Variants in KDM4C observed in about 807,000 individuals in gnomAD.
The protein encoded by KDM4C is lysine demethylase 4C, also known as lysine-specific demethylase 4C.
KDM4C carries 81 observed loss-of-function variants against 129.3 expected under a neutral mutation model. The ratio of observed to expected loss-of-function variants is 0.63; its 90% CI spans 0.52 to 0.75. The LOEUF (loss-of-function observed/expected upper bound fraction) is 0.75, where lower values mean the gene tolerates loss of function less well. Among genes scored for constraint, KDM4C ranks in the 30% least tolerant of loss-of-function variants. KDM4C has a pLI of 0.00. For synonymous variants in KDM4C, 573 were observed against 456.1 expected (o/e 1.26, Z -3.26); for missense variants, 1,457 against 1,304.0 (o/e 1.12, Z -1.81).
intron 8 of KDM4C, among the ~76,000 whole-genome samples, chr9:6,970,365 T>G (rs1188233731): frequency 6.6e-6 from 1 of 152,244 alleles, no homozygotes; most frequent in African/African-American, 2.4e-5. Flanking sequence ...GTCACTGTAA[T>G]TGTACCTGTT....
chr9:7,032,078 C>T (rs759086543), intron 15 of KDM4C, among the ~76,000 whole-genome samples: 3 of 152,190 alleles, frequency 2.0e-5, no homozygotes, highest in Non-Finnish European at 4.4e-5. Flanking sequence ...CCACGAAGCT[C>T]CAACCCCTGT....
chr9:7,035,016 G>A (rs1007005403), intron 15 of KDM4C, among the ~76,000 whole-genome samples: 1 of 151,394 alleles, frequency 6.6e-6, no homozygotes, highest in Non-Finnish European at 1.5e-5. Flanking sequence ...GTTTCTTTTT[G>A]TTTGTTTGTT....
chr9:6,940,946 T>G (rs1054443320), intron 8 of KDM4C, among the ~76,000 whole-genome samples: 7 of 152,170 alleles, frequency 4.6e-5, no homozygotes, highest in Non-Finnish European at 1.0e-4. Flanking sequence ...CTTTGTGTAA[T>G]ATTTGTTCTT....
chr9:7,165,299 C>T lies in KDM4C; in HGVS notation c.2843C>T (p.Pro948Leu). The change falls in exon 20 of 22, where the codon CCC (proline) becomes CTC (leucine). Residue 948 changes from proline (P) to leucine (L), a missense_variant. Coordinates refer to ENST00000381309, the MANE Select transcript of KDM4C (RefSeq NM_015061.6). ...GGAGAAGTCGTCCAAGTCAAGTGGC[C>T]CGATGGCAAACTCTATGGAGCAAAA... ...AEGEVVQVKWPDGKLYGAKYF... is the reference protein window; with the variant it reads ...AEGEVVQVKWLDGKLYGAKYF... 3 of 1,614,094 alleles carry T rather than the reference C, an allele frequency of 1.9e-6. No individual in the cohort carries two copies. The highest frequency in any genetic ancestry group is 2.5e-6 in the Non-Finnish European group (3 of 1,179,996).
At chr9:6,939,170 C>T (rs774351996) in intron 8 of KDM4C, among the ~76,000 whole-genome samples, 22 of 151,864 alleles carry the variant, frequency 1.4e-4, no homozygotes, top group Non-Finnish European at 2.4e-4. Flanking sequence ...GCAGCAGGTA[C>T]AGCTGCTCCC....
At chr9:6,741,530 T>C (rs1322243391) in intron 1 of KDM4C, among the ~76,000 whole-genome samples, 1 of 152,234 alleles carries the variant, frequency 6.6e-6, no homozygotes, top group African/African-American at 2.4e-5. Context: ...CCTTCTGATG[T>C]AATTTCTCTT....
intron 2 of KDM4C, among the ~76,000 whole-genome samples, chr9:6,805,274 C>T (rs1488300003): frequency 6.6e-6 from 1 of 151,824 alleles, no homozygotes; most frequent in Non-Finnish European, 1.5e-5. Context: ...AATTTCAGCT[C>T]AAGTAGTCTT....
At chr9:7,038,787 A>G (rs993504936) in intron 15 of KDM4C, among the ~76,000 whole-genome samples, 1 of 151,864 alleles carries the variant, frequency 6.6e-6, no homozygotes, top group Non-Finnish European at 1.5e-5. Context: ...TGACCCCCAA[A>G]CTAGATATAT....
intron 2 of KDM4C, among the ~76,000 whole-genome samples, chr9:6,796,491 A>C (rs1827785412): frequency 6.6e-6 from 1 of 152,138 alleles, no homozygotes; most frequent in African/African-American, 2.4e-5. Context: ...GTTCCACTGA[A>C]ATTAGTGGAG....
chr9:6,803,352 C>G (rs187849863), intron 2 of KDM4C, among the ~76,000 whole-genome samples: 9 of 152,038 alleles, frequency 5.9e-5, no homozygotes, highest in Admixed American at 5.9e-4. Context: ...GTGGTCGGAT[C>G]ACGCTGTCAA....
intron 8 of KDM4C, among the ~76,000 whole-genome samples, chr9:6,980,136 G>C (rs1816517659): frequency 6.6e-6 from 1 of 152,142 alleles, no homozygotes; most frequent in South Asian, 2.1e-4. Flanking sequence ...TTAAATCTTG[G>C]AGATTATTTA....
chr9:6,761,993 T>C (rs1467222162), intron 1 of KDM4C, among the ~76,000 whole-genome samples: 2 of 151,368 alleles, frequency 1.3e-5, no homozygotes, highest in Non-Finnish European at 2.9e-5. Flanking sequence ...AGAGACGGGG[T>C]TTCACCGTGT....
intron 18 of KDM4C, among the ~76,000 whole-genome samples, chr9:7,113,730 C>A (rs117508546): frequency 6.6e-6 from 1 of 152,192 alleles, no homozygotes. Context: ...AATAATTTCT[C>A]GAGCATTTGA....
rs937325180 is a variant in KDM4C, at chr9:6,856,398, G to A, written c.629+6698G>A. Among the ~76,000 whole-genome samples the A allele has an allele frequency of 3.3e-5, 5 of 152,100 alleles. No homozygotes were observed. In the East Asian group the frequency reaches 5.8e-4, roughly 18 times the overall value. On this transcript the variant is annotated intron_variant, in intron 5 of 21. Coordinates refer to ENST00000381309, the MANE Select transcript of KDM4C (RefSeq NM_015061.6). ...AAAAATGCACTTAGAATTAACCATG[G>A]TTCATTTTGGTTTTAATTGCTTTTT...
chr9:7,077,173 A>C, intron 17 of KDM4C: 1 of 985,378 alleles, frequency 1.0e-6, no homozygotes, highest in Non-Finnish European at 1.2e-6. Context: ...GCTGAAGCTC[A>C]TGTTATCACA....
At chr9:6,971,961 A>C (rs2821441) in intron 8 of KDM4C, among the ~76,000 whole-genome samples, 113,255 of 152,068 alleles carry the variant, frequency 0.74, 42,587 homozygotes, top group East Asian at 1. Flanking sequence ...ATACTATGTA[A>C]TGATGACAGA....
intron 17 of KDM4C, among the ~76,000 whole-genome samples, chr9:7,075,543 C>G (rs1440536902): frequency 6.6e-6 from 1 of 152,140 alleles, no homozygotes; most frequent in Non-Finnish European, 1.5e-5. Context: ...CTCTCATACC[C>G]TCTTTCACCA....
chr9:6,751,387 A>G (rs1160954451), intron 1 of KDM4C, among the ~76,000 whole-genome samples: 1 of 152,150 alleles, frequency 6.6e-6, no homozygotes, highest in Non-Finnish European at 1.5e-5. Context: ...TGGAGGTTGC[A>G]GTGAGCCAAG....
chr9:6,859,864 CAA>C (rs34669716), intron 5 of KDM4C, among the ~76,000 whole-genome samples: 47 of 85,266 alleles, frequency 5.5e-4, no homozygotes, highest in Admixed American at 7.4e-4. Context: ...GACTCCGTCT[CAA>C]AAAAAAAAAA....
Sources: gnomAD v4.1 joint callset for allele counts (sites outside exome capture counted in the v4.1 genomes callset) on GRCh38, gnomAD v4.1.1 for gene constraint, MANE v1.5 for transcripts, NCBI Gene and HGNC (gene_info 2026-07-23, HGNC 2026-07-21) for gene names.